AGBL4: variants seen among roughly 807,000 people sequenced by gnomAD.
AGBL4 encodes the protein AGBL carboxypeptidase 4.
In AGBL4, 58 loss-of-function variants were observed where a neutral mutation model predicts 66.4. The ratio of observed to expected loss-of-function variants is 0.87; its 90% CI spans 0.71 to 1.09. The LOEUF (loss-of-function observed/expected upper bound fraction) is 1.09. AGBL4 is among the 50% of genes least tolerant of loss of function. AGBL4 has a pLI of 0.00. For synonymous variants in AGBL4, 234 were observed against 222.9 expected (o/e 1.05, Z -0.44); for missense variants, 579 against 631.0 (o/e 0.92, Z 0.88).
chr1:49,824,008 C>T (rs757575320), intron 2 of AGBL4, among the ~76,000 whole-genome samples: 7 of 151,988 alleles, frequency 4.6e-5, no homozygotes, highest in African/African-American at 9.6e-5. Context: ...GTTGGGAGTT[C>T]GAGGCCAGCC....
chr1:49,824,581 T>G (rs1645457794), intron 2 of AGBL4, among the ~76,000 whole-genome samples: 1 of 152,226 alleles, frequency 6.6e-6, no homozygotes. Context: ...TCACTTAAAC[T>G]GACCTTAGGG....
intron 1 of AGBL4, among the ~76,000 whole-genome samples, chr1:49,864,910 T>C (rs1354453984): frequency 6.6e-6 from 1 of 152,204 alleles, no homozygotes; most frequent in Non-Finnish European, 1.5e-5. Flanking sequence ...TGCTGTTTTC[T>C]TCTGGCAGTG....
chr1:48,696,428 T>C (rs1198771729), intron 6 of AGBL4, among the ~76,000 whole-genome samples: 1 of 152,150 alleles, frequency 6.6e-6, no homozygotes, highest in East Asian at 1.9e-4. Context: ...AACTAGGAGC[T>C]TTCTTAGGAC....
intron 4 of AGBL4, among the ~76,000 whole-genome samples, chr1:49,127,694 A>G (rs1645794445): frequency 6.6e-6 from 1 of 152,108 alleles, no homozygotes; most frequent in South Asian, 2.1e-4. Context: ...AACAGTGGAA[A>G]TTTCTCATTG....
chr1:49,256,197 G>A lies in AGBL4; in HGVS notation c.283-10333C>T, dbSNP rs1652485025. Among the ~76,000 whole-genome samples, 5 of 151,654 alleles carry A rather than the reference G, an allele frequency of 3.3e-5. No homozygotes were observed. In the South Asian group the frequency reaches 8.3e-4, roughly 25 times the overall value. ...AAATTATAACAAATTTTTTAAAAAA[G>A]ATAAATGTTTGAGGTAATGTATATC... is the stretch of plus-strand genomic sequence containing the variant. On this transcript the variant is annotated intron_variant, in intron 3 of 13. Transcript: ENST00000371839.
intron 5 of AGBL4, among the ~76,000 whole-genome samples, chr1:49,012,878 G>A (rs1421105056): frequency 1.3e-5 from 2 of 152,214 alleles, no homozygotes; most frequent in African/African-American, 2.4e-5. Context: ...ATTGGGTCAT[G>A]AGGGCATGAG....
intron 3 of AGBL4, among the ~76,000 whole-genome samples, chr1:49,515,299 AC>A (rs1467908694): frequency 7.2e-5 from 11 of 152,278 alleles, no homozygotes; most frequent in Admixed American, 3.9e-4. Flanking sequence ...GCTCATCATC[AC>A]TGGCCATCAC....
At chr1:49,001,485 G>T (rs1175391947) in intron 5 of AGBL4, among the ~76,000 whole-genome samples, 1 of 152,120 alleles carries the variant, frequency 6.6e-6, no homozygotes, top group African/African-American at 2.4e-5. Flanking sequence ...TGGTAGGAGG[G>T]TCCTCTCCAT....
At chr1:48,944,371 C>T (rs1656277949) in intron 5 of AGBL4, among the ~76,000 whole-genome samples, 1 of 152,172 alleles carries the variant, frequency 6.6e-6, no homozygotes, top group African/African-American at 2.4e-5. Flanking sequence ...TCATACACTA[C>T]TTGAAGAATT....
At chr1:49,498,219 T>A (rs1161804606) in intron 3 of AGBL4, among the ~76,000 whole-genome samples, 2 of 151,996 alleles carry the variant, frequency 1.3e-5, no homozygotes, top group Non-Finnish European at 2.9e-5. Context: ...ATATTGACGT[T>A]GTATCCTGCA....
At chr1:48,751,732 GA>G (rs1326928917) in intron 6 of AGBL4, among the ~76,000 whole-genome samples, 1 of 152,198 alleles carries the variant, frequency 6.6e-6, no homozygotes, top group Non-Finnish European at 1.5e-5. Flanking sequence ...TGACAATGGG[GA>G]AAAGCCTAAC....
intron 5 of AGBL4, among the ~76,000 whole-genome samples, chr1:48,888,984 G>A (rs1650648844): frequency 6.6e-6 from 1 of 152,198 alleles, no homozygotes; most frequent in East Asian, 1.9e-4. Context: ...CAGGCAGAAA[G>A]CCTAGTTTAT....
intron 5 of AGBL4, among the ~76,000 whole-genome samples, chr1:48,892,574 T>A (rs987055028): frequency 6.6e-6 from 1 of 152,144 alleles, no homozygotes; most frequent in Non-Finnish European, 1.5e-5. Context: ...CAACTCGAAG[T>A]AAAAGCGGGG....
At chr1:49,226,210 T>TC (rs1649896520) in intron 4 of AGBL4, among the ~76,000 whole-genome samples, 1 of 152,184 alleles carries the variant, frequency 6.6e-6, no homozygotes, top group East Asian at 1.9e-4. Flanking sequence ...TTTCCAGCCT[T>TC]AATGCATAGT....
chr1:49,947,618 C>T (rs561925746), intron 1 of AGBL4, among the ~76,000 whole-genome samples: 3 of 151,604 alleles, frequency 2.0e-5, no homozygotes, highest in Non-Finnish European at 4.4e-5. Flanking sequence ...AAAGCATTCC[C>T]TCTGAGAACT....
At chr1:49,022,307 G>T (rs1375593477) in intron 5 of AGBL4, among the ~76,000 whole-genome samples, 1 of 151,068 alleles carries the variant, frequency 6.6e-6, no homozygotes, top group African/African-American at 2.4e-5. Context: ...AATCCAAGAT[G>T]CTATCAAGAA....
At chr1:49,551,597 C>T (rs921649653) in intron 3 of AGBL4, among the ~76,000 whole-genome samples, 1 of 152,240 alleles carries the variant, frequency 6.6e-6, no homozygotes, top group Non-Finnish European at 1.5e-5. Flanking sequence ...CAAGTCTACA[C>T]AGCTCTGGGC....
chr1:49,756,660 C>A (rs1237533468), intron 2 of AGBL4, among the ~76,000 whole-genome samples: 1 of 152,114 alleles, frequency 6.6e-6, no homozygotes, highest in East Asian at 1.9e-4. Flanking sequence ...AGGGAGTTTA[C>A]CCCCATGCTG....
intron 2 of AGBL4, among the ~76,000 whole-genome samples, chr1:49,823,560 C>A (rs1459442771): frequency 6.6e-6 from 1 of 152,056 alleles, no homozygotes; most frequent in Non-Finnish European, 1.5e-5. Flanking sequence ...AATCAGCTAC[C>A]TTTGGACCTC....
Sources: gnomAD v4.1 joint callset for allele counts (sites outside exome capture counted in the v4.1 genomes callset) on GRCh38, gnomAD v4.1.1 for gene constraint, MANE v1.5 for transcripts, NCBI Gene and HGNC (gene_info 2026-07-23, HGNC 2026-07-21) for gene names.